RALGPS2: variants seen among roughly 807,000 people sequenced by gnomAD.
The protein encoded by RALGPS2 is ras-specific guanine nucleotide-releasing factor RalGPS2.
RALGPS2 carries 43 observed loss-of-function variants against 86.8 expected under a neutral mutation model. The observed-to-expected ratio is 0.50, with a 90% confidence interval of 0.39 to 0.64. RALGPS2 has a LOEUF of 0.64. Among genes scored for constraint, RALGPS2 ranks in the 30% least tolerant of loss-of-function variants. The probability of loss-of-function intolerance (pLI) is 0.00; values close to 1 mark genes in which losing one functional copy is unlikely to be tolerated. For missense variants in RALGPS2, 536 were observed against 694.6 expected, an observed-to-expected ratio of 0.77 and a Z score of 2.57; for synonymous variants, 243 against 231.3, an observed-to-expected ratio of 1.05 and a Z score of -0.46.
At chr1:178,890,610 A>T in intron 14 of RALGPS2, among the ~76,000 whole-genome samples, 1 of 151,932 alleles carries the variant, frequency 6.6e-6, no homozygotes, top group East Asian at 1.9e-4. Context: ...ATTTTATTTG[A>T]AATCATAAAT....
chr1:178,767,351 C>T (rs888579561), intron 1 of RALGPS2, among the ~76,000 whole-genome samples: 2 of 139,944 alleles, frequency 1.4e-5, no homozygotes, highest in African/African-American at 2.7e-5. Context: ...AAGTTGCTGT[C>T]CTTTGGCTTT....
Position 178,886,067 on chromosome 1 carries a change from C to G in RALGPS2, c.1139C>G (p.Ala380Gly). 6.2e-7 allele frequency: 1 copy of G among 1,613,534 alleles called. No homozygotes were observed. Among genetic ancestry groups the G allele is most frequent in the Non-Finnish European group, 8.5e-7 (1 of 1,179,812 alleles). Residue 380 changes from alanine (A) to glycine (G), a missense_variant, in exon 13 of 20, where the codon GCG (alanine) becomes GGG (glycine). Around this residue, in one of 3 missense-constraint regions of RALGPS2, gnomAD observed 309 missense variants for 363.0 expected, o/e 0.85. Coordinates refer to ENST00000367635, the MANE Select transcript of RALGPS2 (RefSeq NM_152663.5). The part of the protein sequence containing the change: ...LLDDSVMEPH[A>G]PSRGQAESST... Reference sequence around the variant, plus strand: ...GATGATAGCGTCATGGAGCCCCATGCGCCATCTCGAGGCCAAGCTGAAAGT... The same window carrying G: ...GATGATAGCGTCATGGAGCCCCATGGGCCATCTCGAGGCCAAGCTGAAAGT...
At position 178,905,094 on chromosome 1, in the gene RALGPS2, T is replaced by TTTTTG. The variant is rs1051092762; in HGVS notation, c.1631-1666_1631-1662dup. ...TTTGTTAGGTATATTCCTAAGTGGT[T>TTTTTG]TTTTGTTTTGTTTTGTTTTGCAGCT... On this transcript the variant is annotated intron_variant, in intron 18 of 19. Transcript: ENST00000367635. Among the ~76,000 whole-genome samples, 22 of 152,152 alleles carry TTTTTG rather than the reference T, an allele frequency of 1.4e-4. No homozygotes were observed. In the East Asian group the frequency reaches 3.1e-3, roughly 21 times the overall value.
In RALGPS2 at chr1:178,808,726, C is replaced by T. The variant is rs1033537292; in HGVS notation, c.297+598C>T. Among the ~76,000 whole-genome samples the T allele has an allele frequency of 4.6e-5, 7 of 152,066 alleles. No individual in the cohort carries two copies. The East Asian group carries it at 7.7e-4, about 17-fold the overall frequency. ...GGCTTTTTGTTTGCTTTTGCTCATA[C>T]GTAGGGTTGTCGCAGACCTGGGACT... On this transcript the variant is annotated intron_variant, in intron 5 of 19. Coordinates refer to ENST00000367635, the MANE Select transcript of RALGPS2 (RefSeq NM_152663.5).
rs114574019 is a variant in RALGPS2, at chr1:178,761,321, C to T, written c.-83-15361C>T. 6.1e-3 allele frequency among the ~76,000 whole-genome samples: 929 copies of T among 151,652 alleles called. 10 individuals are homozygous for T. Among genetic ancestry groups the T allele is most frequent in the African/African-American group, 0.021 (881 of 41,350 alleles). ...AATTCTTTTTGCTGTCCCAGCTATT[C>T]GGGAGGCTGAGGCAGGAGAATGGCG... On this transcript the variant is annotated intron_variant, in intron 1 of 19. Transcript: ENST00000367635.
intron 1 of RALGPS2, among the ~76,000 whole-genome samples, chr1:178,732,054 T>C (rs1650398944): frequency 6.6e-6 from 1 of 152,086 alleles, no homozygotes; most frequent in Non-Finnish European, 1.5e-5. Flanking sequence ...CACATGATGG[T>C]GGTAGCTTGA....
intron 8 of RALGPS2, among the ~76,000 whole-genome samples, chr1:178,838,059 G>C (rs568881432): frequency 1.4e-4 from 21 of 152,342 alleles, no homozygotes; most frequent in South Asian, 6.2e-4. Context: ...GCCCACCGCA[G>C]CTCAAGGAGG....
intron 7 of RALGPS2, among the ~76,000 whole-genome samples, chr1:178,827,021 A>G (rs1655778746): frequency 6.6e-6 from 1 of 152,230 alleles, no homozygotes. Flanking sequence ...ACATTCCAAG[A>G]TACAAAATTA....
rs561924301 is a variant in RALGPS2, at chr1:178,859,829, C to G, written c.608-17669C>G. 2.8e-3 allele frequency among the ~76,000 whole-genome samples: 241 copies of G among 86,268 alleles called. 9 individuals are homozygous for G. The highest frequency in any genetic ancestry group is 9.5e-3 in the African/African-American group (230 of 24,250). The allele number at this position is 86,268 out of a possible 152,430, so 56.6% of individuals were successfully genotyped here. On this transcript the variant is annotated intron_variant, in intron 8 of 19. Transcript: ENST00000367635. ...TCTCCTGCCTCTGCCCGCCCCCCCC[C>G]CCCCAACCGCCCAAGTAGCTGGGAC...
rs1180933599 is a variant in RALGPS2 at position 178,921,005 on chromosome 1, C to T, written c.*4646C>T. 2 of 151,946 alleles carry T rather than the reference C, an allele frequency of 1.3e-5. No homozygotes were observed. The highest frequency in any genetic ancestry group is 6.6e-5 in the Admixed American group (1 of 15,232). The allele number at this position is 151,946 out of a possible 1,614,324, so 9.4% of individuals were successfully genotyped here. ...ACTAAGCTAGTTTTTTCAGTGAAAG[C>T]AAAGTTGGAAATATTTTGCTTCTCT... On this transcript the variant is annotated 3_prime_UTR_variant, in exon 20 of 20. Coordinates refer to ENST00000367635, the MANE Select transcript of RALGPS2 (RefSeq NM_152663.5).
chr1:178,851,090 A>G (rs773305035), intron 8 of RALGPS2: 5 of 1,558,178 alleles, frequency 3.2e-6, no homozygotes, highest in Non-Finnish European at 3.5e-6. Flanking sequence ...GCTGAAAAGT[A>G]CAAAGTTCTG....
intron 4 of RALGPS2, among the ~76,000 whole-genome samples, chr1:178,794,917 C>T (rs532540009): frequency 5.9e-5 from 9 of 152,132 alleles, no homozygotes; most frequent in African/African-American, 9.7e-5. Flanking sequence ...TGGTGGCTAA[C>T]GCCTGTAATC....
chr1:178,838,478 C>G (rs1233622837), intron 8 of RALGPS2, among the ~76,000 whole-genome samples: 4 of 152,240 alleles, frequency 2.6e-5, no homozygotes, highest in Middle Eastern at 6.8e-3. Context: ...CTGTTAGAAG[C>G]AAAACTAACA....
At chr1:178,775,942 G>C (rs748470424) in intron 1 of RALGPS2, among the ~76,000 whole-genome samples, 4 of 149,900 alleles carry the variant, frequency 2.7e-5, no homozygotes, top group African/African-American at 7.4e-5. Flanking sequence ...AAAAAGGATG[G>C]TTGCATCTGT....
At position 178,827,811 on chromosome 1, in the gene RALGPS2, A is replaced by G. The variant is rs573808180; in HGVS notation, c.481-5613A>G. Reference sequence around the variant, plus strand: ...ATAAAGGGCCCAGAAATAAATACACACATTTACAGTCAATTGATCCTCAAC... The same window carrying G: ...ATAAAGGGCCCAGAAATAAATACACGCATTTACAGTCAATTGATCCTCAAC... On this transcript the variant is annotated intron_variant, in intron 7 of 19. Transcript: ENST00000367635. Among the ~76,000 whole-genome samples, 57 of 152,322 alleles carry G rather than the reference A, an allele frequency of 3.7e-4. No individual in the cohort carries two copies. In the East Asian group the frequency reaches 0.01, roughly 28 times the overall value.
At chr1:178,792,680 G>T (rs10913626) in intron 4 of RALGPS2, among the ~76,000 whole-genome samples, 12,233 of 152,090 alleles carry the variant, frequency 0.08, 519 homozygotes, top group African/African-American at 0.1. Context: ...TTGTCCATTG[G>T]CCCAAGCTGC....
rs368569707 is a variant in RALGPS2, at chr1:178,892,328, G to C, written c.1325+21G>C. On this transcript the variant is annotated intron_variant, in intron 15 of 19. Transcript: ENST00000367635. Reference sequence around the variant, plus strand: ...AGCAGGTACAATTCCCCTGCATTCAGGGGTCACAGAACTCCCTTATGGTGT... The same window carrying C: ...AGCAGGTACAATTCCCCTGCATTCACGGGTCACAGAACTCCCTTATGGTGT... 18 of 1,604,732 alleles carry C rather than the reference G, an allele frequency of 1.1e-5. No homozygotes were observed. The African/African-American group carries it at 1.7e-4, about 16-fold the overall frequency.
At chr1:178,876,912 A>C (rs1659030140) in intron 8 of RALGPS2, among the ~76,000 whole-genome samples, 1 of 152,168 alleles carries the variant, frequency 6.6e-6, no homozygotes, top group Admixed American at 6.5e-5. Flanking sequence ...TTGATCTTTA[A>C]AATGTAAAAC....
At chr1:178,734,795 GA>G (rs773918693) in intron 1 of RALGPS2, among the ~76,000 whole-genome samples, 26 of 152,088 alleles carry the variant, frequency 1.7e-4, no homozygotes, top group Admixed American at 1.0e-3. Flanking sequence ...AGAAAAAAGG[GA>G]AAAAATAACT....
Sources: allele counts gnomAD v4.1 joint callset (sites outside exome capture counted in the v4.1 genomes callset), GRCh38; gene constraint gnomAD v4.1.1; regional missense constraint gnomAD v4.1.1; transcripts MANE v1.5; gene names NCBI Gene and HGNC (gene_info 2026-07-23, HGNC 2026-07-21).